Variants in CXCL17 observed in about 807,000 individuals in gnomAD.
The protein encoded by CXCL17 is C-X-C motif chemokine 17.
A neutral mutation model predicts 15.5 loss-of-function variants in CXCL17; 9 were observed. The observed-to-expected ratio is 0.58, with a 90% confidence interval of 0.35 to 1.01. CXCL17 has a LOEUF of 1.01. CXCL17 is among the 50% of genes least tolerant of loss of function. The pLI is 0.02. For synonymous variants in CXCL17, 52 were observed against 52.3 expected (o/e 0.99, Z 0.02); for missense variants, 133 against 138.2 (o/e 0.96, Z 0.19).
chr19:42,430,272 T>C (rs1354187991), intron 3 of CXCL17, among the ~76,000 whole-genome samples: 1 of 152,116 alleles, frequency 6.6e-6, no homozygotes, highest in Non-Finnish European at 1.5e-5. Context: ...ATAAAGCAGA[T>C]ATTCATGAAA....
intron 3 of CXCL17, among the ~76,000 whole-genome samples, 172 bp from the exon 4 acceptor site, chr19:42,429,153 A>T (rs1454398534): frequency 6.6e-6 from 1 of 150,926 alleles, no homozygotes; most frequent in Non-Finnish European, 1.5e-5. Context: ...TCAGCCTCCC[A>T]AGTAGCTGGG....
At chr19:42,441,316 G>A (rs1483578626) in intron 1 of CXCL17, among the ~76,000 whole-genome samples, 1 of 152,190 alleles carries the variant, frequency 6.6e-6, no homozygotes, top group Non-Finnish European at 1.5e-5. Context: ...GGCTGTGGGA[G>A]GAACTGAAGG....
chr19:42,439,867 G>A (rs1010096624), intron 1 of CXCL17, among the ~76,000 whole-genome samples: 1 of 152,328 alleles, frequency 6.6e-6, no homozygotes, highest in East Asian at 1.9e-4. Context: ...TATTCAGTGG[G>A]ATCCCAGATT....
chr19:42,434,424 TTTTG>T (rs377747407), intron 1 of CXCL17, among the ~76,000 whole-genome samples: 26 of 151,982 alleles, frequency 1.7e-4, no homozygotes, highest in African/African-American at 5.3e-4. Context: ...TTGCTGGGTT[TTTTG>T]TTTGTTTGTT....
chr19:42,429,657 A>G (rs2040757030), intron 3 of CXCL17, among the ~76,000 whole-genome samples: 1 of 152,182 alleles, frequency 6.6e-6, no homozygotes. Context: ...AGTTTTAAAA[A>G]TTATAAAAAT....
At chr19:42,435,771 A>G (rs2040828531) in intron 1 of CXCL17, among the ~76,000 whole-genome samples, 1 of 151,340 alleles carries the variant, frequency 6.6e-6, no homozygotes, top group African/African-American at 2.4e-5. Flanking sequence ...CAAAGGTTGC[A>G]GTGAGCTGAG....
At chr19:42,432,018 T>G (rs1600158405) in intron 3 of CXCL17, among the ~76,000 whole-genome samples, 1 of 152,194 alleles carries the variant, frequency 6.6e-6, no homozygotes, top group African/African-American at 2.4e-5. Context: ...AAAGTTATTA[T>G]ACTCATTTAC....
intron 1 of CXCL17, among the ~76,000 whole-genome samples, chr19:42,437,440 C>A (rs1418774015): frequency 1.3e-5 from 2 of 152,194 alleles, no homozygotes; most frequent in Non-Finnish European, 2.9e-5. Context: ...GTGGCATAAG[C>A]ATGCACTTTA....
At chr19:42,436,507 G>A (rs1407636875) in intron 1 of CXCL17, among the ~76,000 whole-genome samples, 1 of 149,960 alleles carries the variant, frequency 6.7e-6, no homozygotes, top group East Asian at 1.9e-4. Flanking sequence ...CAGTCTAAAT[G>A]TAATTTAACT....
intron 1 of CXCL17, among the ~76,000 whole-genome samples, chr19:42,439,894 A>G (rs2040874736): frequency 1.3e-5 from 2 of 152,212 alleles, no homozygotes; most frequent in Non-Finnish European, 2.9e-5. Flanking sequence ...TGGAGCAGAA[A>G]AAGGACATGA....
intron 3 of CXCL17, 69 bp downstream of exon 3, chr19:42,432,907 A>G: frequency 8.6e-7 from 1 of 1,156,540 alleles, no homozygotes; most frequent in Non-Finnish European, 1.3e-6. Flanking sequence ...TCTATTCTCA[A>G]CGTGCTTCTT....
At chr19:42,433,658 G>A in intron 2 of CXCL17, 118 bp downstream of exon 2, 1 of 814,670 alleles carries the variant, frequency 1.2e-6, no homozygotes. Flanking sequence ...GGCAGGCTGT[G>A]GAGAGGGGAA....
At chr19:42,435,073 G>A (rs946038125) in intron 1 of CXCL17, among the ~76,000 whole-genome samples, 12 of 151,948 alleles carry the variant, frequency 7.9e-5, no homozygotes, top group Non-Finnish European at 1.3e-4. Context: ...CAGCTACTCG[G>A]GAGGCTGAGG....
intron 1 of CXCL17, among the ~76,000 whole-genome samples, chr19:42,439,885 G>A (rs528610556): frequency 6.6e-6 from 1 of 152,272 alleles, no homozygotes; most frequent in East Asian, 1.9e-4. Flanking sequence ...ATTGGAGTCT[G>A]GAGCAGAAAA....
intron 3 of CXCL17, among the ~76,000 whole-genome samples, chr19:42,429,390 G>A (rs1373225015): frequency 6.6e-6 from 1 of 151,500 alleles, no homozygotes; most frequent in African/African-American, 2.4e-5. Flanking sequence ...GTGCAGTGGT[G>A]CAATCTTGGC....
At chr19:42,430,003 A>G (rs1279059984) in intron 3 of CXCL17, among the ~76,000 whole-genome samples, 3 of 151,696 alleles carry the variant, frequency 2.0e-5, no homozygotes, top group Admixed American at 6.6e-5. Flanking sequence ...TCCTATCTCT[A>G]CAAAAATACA....
At chr19:42,438,019 A>T (rs2147700815) in intron 1 of CXCL17, among the ~76,000 whole-genome samples, 1 of 152,166 alleles carries the variant, frequency 6.6e-6, no homozygotes, top group South Asian at 2.1e-4. Context: ...CTAATTTATG[A>T]ATTAGGCACA....
At chr19:42,438,701 C>T (rs976496524) in intron 1 of CXCL17, among the ~76,000 whole-genome samples, 1 of 151,864 alleles carries the variant, frequency 6.6e-6, no homozygotes, top group East Asian at 1.9e-4. Context: ...ACTAGGGCTT[C>T]CAGGAAAAAT....
At chr19:42,441,444 T>TAGTG (rs2040891367) in intron 1 of CXCL17, among the ~76,000 whole-genome samples, 1 of 152,168 alleles carries the variant, frequency 6.6e-6, no homozygotes, top group African/African-American at 2.4e-5. Context: ...ATAGTATTTT[T>TAGTG]AGTGAGTAGA....
Sources: allele counts gnomAD v4.1 joint callset (sites outside exome capture counted in the v4.1 genomes callset), GRCh38; gene constraint gnomAD v4.1.1; transcripts MANE v1.5; gene names NCBI Gene and HGNC (gene_info 2026-07-23, HGNC 2026-07-21).